Variants in RNF180 observed in about 807,000 individuals in gnomAD.
The protein encoded by RNF180 is E3 ubiquitin-protein ligase RNF180.
A neutral mutation model predicts 59.2 loss-of-function variants in RNF180; 38 were observed. That is an observed-to-expected ratio of 0.64 (90% CI 0.50 to 0.84). The LOEUF (loss-of-function observed/expected upper bound fraction) is 0.84. Among genes scored for constraint, RNF180 ranks in the 40% least tolerant of loss-of-function variants. The pLI is 0.00. For synonymous variants in RNF180, 262 were observed against 240.3 expected, an observed-to-expected ratio of 1.09 and a Z score of -0.84; for missense variants, 705 against 700.9, an observed-to-expected ratio of 1.01 and a Z score of -0.07.
intron 5 of RNF180, among the ~76,000 whole-genome samples, chr5:64,267,330 TTTGA>T (rs1272769760): frequency 6.6e-6 from 1 of 152,038 alleles, no homozygotes; most frequent in Non-Finnish European, 1.5e-5. Flanking sequence ...TTTTTTTCAC[TTTGA>T]TTCTTTTATT....
At chr5:64,281,052 T>TTG (rs1198854874) in intron 5 of RNF180, among the ~76,000 whole-genome samples, 2 of 152,314 alleles carry the variant, frequency 1.3e-5, no homozygotes, top group Admixed American at 6.5e-5. Flanking sequence ...CTAGGTATTT[T>TTG]TGTGTGTGTG....
intron 7 of RNF180, among the ~76,000 whole-genome samples, chr5:64,368,808 C>G (rs1207220673): frequency 3.3e-5 from 5 of 151,926 alleles, no homozygotes; most frequent in Admixed American, 6.6e-5. Flanking sequence ...AGTCAGGAAA[C>G]AACAGGTGCT....
At chr5:64,223,214 T>C (rs1228281619) in intron 5 of RNF180, among the ~76,000 whole-genome samples, 1 of 152,200 alleles carries the variant, frequency 6.6e-6, no homozygotes. Flanking sequence ...CTTCCAGCCA[T>C]ATGGCATCAC....
chr5:64,269,986 A>G (rs549122538), intron 5 of RNF180, among the ~76,000 whole-genome samples: 14 of 151,954 alleles, frequency 9.2e-5, no homozygotes, highest in African/African-American at 3.4e-4. Context: ...ATTCTGATAT[A>G]AGTTACCTAT....
intron 5 of RNF180, among the ~76,000 whole-genome samples, chr5:64,278,407 G>T (rs1741836986): frequency 6.6e-6 from 1 of 152,154 alleles, no homozygotes; most frequent in South Asian, 2.1e-4. Context: ...TATTTTAAAA[G>T]ATCTGTCTTG....
chr5:64,222,395 T>A (rs78288481), intron 5 of RNF180, among the ~76,000 whole-genome samples: 3,326 of 152,238 alleles, frequency 0.022, 93 homozygotes, highest in African/African-American at 0.056. Context: ...CATTAACTCA[T>A]CTTACAACAA....
intron 7 of RNF180, among the ~76,000 whole-genome samples, chr5:64,368,960 G>C (rs1241463211): frequency 6.6e-6 from 1 of 152,066 alleles, no homozygotes; most frequent in Non-Finnish European, 1.5e-5. Context: ...CCATTACTGG[G>C]TATATACCCA....
intron 5 of RNF180, among the ~76,000 whole-genome samples, chr5:64,324,216 A>G (rs1744513252): frequency 6.6e-6 from 1 of 152,356 alleles, no homozygotes; most frequent in South Asian, 2.1e-4. Flanking sequence ...GATGAATAAA[A>G]CAAGATAATT....
At chr5:64,222,289 G>T (rs1741386408) in intron 5 of RNF180, among the ~76,000 whole-genome samples, 1 of 151,440 alleles carries the variant, frequency 6.6e-6, no homozygotes, top group African/African-American at 2.4e-5. Context: ...TTCCAGCTAT[G>T]TTTTTTTTTA....
chr5:64,340,281 A>G (rs1173521340), intron 7 of RNF180, among the ~76,000 whole-genome samples: 1 of 152,188 alleles, frequency 6.6e-6, no homozygotes, highest in African/African-American at 2.4e-5. Context: ...AAGAATTAAA[A>G]ATTCCATGTT....
At chr5:64,307,618 TAA>T (rs1419378541) in intron 5 of RNF180, among the ~76,000 whole-genome samples, 2 of 151,702 alleles carry the variant, frequency 1.3e-5, no homozygotes, top group African/African-American at 2.4e-5. Flanking sequence ...AAAAATATCA[TAA>T]GTCAAAAATG....
chr5:64,352,994 A>G (rs1281201473), intron 7 of RNF180, among the ~76,000 whole-genome samples: 1 of 151,864 alleles, frequency 6.6e-6, no homozygotes, highest in Non-Finnish European at 1.5e-5. Flanking sequence ...GATCTAATAT[A>G]GTCTGTTCCA....
intron 5 of RNF180, among the ~76,000 whole-genome samples, chr5:64,289,641 G>A (rs1049627215): frequency 7.2e-5 from 11 of 151,950 alleles, no homozygotes; most frequent in African/African-American, 1.7e-4. Flanking sequence ...GTCTAGGAAC[G>A]TATTCATGTC....
intron 5 of RNF180, among the ~76,000 whole-genome samples, chr5:64,254,881 G>C (rs1210191644): frequency 6.6e-6 from 1 of 152,134 alleles, no homozygotes; most frequent in Non-Finnish European, 1.5e-5. Flanking sequence ...CATTTGGTCA[G>C]TACATCTGAG....
At chr5:64,238,433 A>G (rs1188791580) in intron 5 of RNF180, among the ~76,000 whole-genome samples, 1 of 152,150 alleles carries the variant, frequency 6.6e-6, no homozygotes, top group African/African-American at 2.4e-5. Context: ...TATAGTGGCT[A>G]TACCATTTTT....
intron 5 of RNF180, among the ~76,000 whole-genome samples, chr5:64,240,858 C>G (rs1257614753): frequency 1.3e-5 from 2 of 152,160 alleles, no homozygotes; most frequent in East Asian, 3.9e-4. Flanking sequence ...GACCTACCTA[C>G]CTTACATCTA....
intron 1 of RNF180, among the ~76,000 whole-genome samples, chr5:64,194,074 T>C (rs1043566626): frequency 1.3e-5 from 2 of 152,226 alleles, no homozygotes; most frequent in African/African-American, 2.4e-5. Context: ...TGCATATGTA[T>C]ACATGTGCCA....
intron 1 of RNF180, among the ~76,000 whole-genome samples, chr5:64,183,468 G>C (rs1403626050): frequency 8.8e-5 from 1 of 11,310 alleles, no homozygotes; most frequent in Admixed American, 9.0e-4. Flanking sequence ...TTTTTTTTTT[G>C]ACTCAGTCTC....
intron 2 of RNF180, among the ~76,000 whole-genome samples, chr5:64,202,870 T>A (rs1751823211): frequency 6.6e-6 from 1 of 152,172 alleles, no homozygotes; most frequent in Non-Finnish European, 1.5e-5. Context: ...CACAGAAGAT[T>A]AGGTAATTTT....
Sources: allele counts gnomAD v4.1 joint callset (sites outside exome capture counted in the v4.1 genomes callset), GRCh38; gene constraint gnomAD v4.1.1; transcripts MANE v1.5; gene names NCBI Gene and HGNC (gene_info 2026-07-23, HGNC 2026-07-21).